The following CCDC14 variants were observed in gnomAD, a reference collection of about 807,000 sequenced individuals.
CCDC14 encodes coiled-coil domain containing 14.
A neutral mutation model predicts 81.4 loss-of-function variants in CCDC14; 71 were observed. The observed-to-expected ratio is 0.87, with a 90% confidence interval of 0.72 to 1.06. The LOEUF is 1.06. Among genes scored for constraint, CCDC14 ranks in the 50% least tolerant of loss-of-function variants. CCDC14 has a pLI of 0.00. For missense variants in CCDC14, 1,046 were observed against 1,047.3 expected, an observed-to-expected ratio of 1.00 and a Z score of 0.02; for synonymous variants, 332 against 364.8, an observed-to-expected ratio of 0.91 and a Z score of 1.03.
intron 12 of CCDC14, among the ~76,000 whole-genome samples, chr3:123,926,463 A>C (rs1025606490): frequency 6.6e-6 from 1 of 150,732 alleles, no homozygotes; most frequent in Admixed American, 6.6e-5. Flanking sequence ...TATTAATTTA[A>C]ATAACTATGA....
chr3:123,887,958 C>G, the CCDC14 span, among the ~76,000 whole-genome samples: 2 of 151,834 alleles, frequency 1.3e-5, no homozygotes, highest in Non-Finnish European at 2.9e-5. Flanking sequence ...AAATTTCCCT[C>G]CTTTTTACCT....
chr3:123,912,902 G>A (rs2034479215), downstream of CCDC14, among the ~76,000 whole-genome samples: 1 of 151,942 alleles, frequency 6.6e-6, no homozygotes, highest in Non-Finnish European at 1.5e-5. Flanking sequence ...AGTCAGGTTG[G>A]TCTACCACGG....
chr3:123,909,977 A>G (rs542445360), downstream of CCDC14, among the ~76,000 whole-genome samples: 5 of 152,320 alleles, frequency 3.3e-5, no homozygotes, highest in South Asian at 8.3e-4. Flanking sequence ...GATAATTTTC[A>G]TATTTCATTA....
intron 10 of CCDC14, among the ~76,000 whole-genome samples, chr3:123,932,154 A>C (rs17375433): frequency 0.088 from 13,332 of 152,266 alleles, 711 homozygotes; most frequent in Middle Eastern, 0.21. Context: ...GAGATGAACA[A>C]CACAGACGTG....
chr3:123,926,960 A>G (rs1264320561), intron 12 of CCDC14, among the ~76,000 whole-genome samples: 2 of 152,240 alleles, frequency 1.3e-5, no homozygotes, highest in African/African-American at 4.8e-5. Flanking sequence ...TCTAACGTCC[A>G]AAGTAAAATT....
rs190649092 is a variant in CCDC14, at chr3:123,948,611, T to C, written c.684+80A>G. On this transcript the variant is annotated intron_variant, in intron 7 of 12. Transcript: ENST00000409697. Reference sequence around the variant, plus strand: ...CTTTAAATCCTAGTGCATTAAGTTATAAGCAATAAATTCAACAGTCCCTCC... The same window carrying C: ...CTTTAAATCCTAGTGCATTAAGTTACAAGCAATAAATTCAACAGTCCCTCC... 1.9e-4 allele frequency: 194 copies of C among 1,043,272 alleles called. 1 individual carries two copies. Among genetic ancestry groups the C allele is most frequent in the Non-Finnish European group, 2.5e-4 (177 of 715,330 alleles). 64.6% of individuals were successfully genotyped at this position (1,043,272 alleles called of 1,614,324 possible).
At chr3:123,918,362 G>C (rs2034831498) in intron 12 of CCDC14, among the ~76,000 whole-genome samples, 1 of 152,096 alleles carries the variant, frequency 6.6e-6, no homozygotes, top group Non-Finnish European at 1.5e-5. Flanking sequence ...AGGTTATGAG[G>C]AGAGTGACAT....
In CCDC14 at chr3:123,952,351, T is replaced by C. The variant is rs533037725; in HGVS notation, c.353-3219A>G. ...CGTAAGAACACCTGGCCTTTATGAG[T>C]GGCAATCAATGCTCAAAGGATTTTT... is the stretch of plus-strand genomic sequence containing the variant. On this transcript the variant is annotated intron_variant, in intron 5 of 12. Transcript: ENST00000409697. 1.3e-4 allele frequency among the ~76,000 whole-genome samples: 20 copies of C among 152,228 alleles called. No homozygotes were observed. The South Asian group carries it at 4.1e-3, about 32-fold the overall frequency.
the CCDC14 span, among the ~76,000 whole-genome samples, chr3:123,891,674 C>T: frequency 6.6e-6 from 1 of 152,174 alleles, no homozygotes; most frequent in Non-Finnish European, 1.5e-5. Flanking sequence ...TTGTCAAAGC[C>T]ATTCAACAAG....
At chr3:123,897,703 T>C (rs1210141473) in intron 5 of CCDC14, 1 of 598,852 alleles carries the variant, frequency 1.7e-6, no homozygotes. Flanking sequence ...TTCCTTCATA[T>C]TCTACTTTTA....
intron 12 of CCDC14, among the ~76,000 whole-genome samples, chr3:123,917,875 TG>T (rs2034805699): frequency 1.3e-5 from 2 of 150,150 alleles, no homozygotes; most frequent in Non-Finnish European, 2.9e-5. Context: ...ACACAGAGGT[TG>T]TACCCAAAGA....
intron 12 of CCDC14, among the ~76,000 whole-genome samples, chr3:123,929,207 GACTC>G (rs953022619): frequency 3.3e-5 from 5 of 152,072 alleles, no homozygotes; most frequent in African/African-American, 9.7e-5. Context: ...TGACCATGCT[GACTC>G]ACTATTTTTT....
In CCDC14 at chr3:123,914,108, CTTCT is replaced by C. The variant is rs947399507; in HGVS notation, c.*667_*670del. The stretch of plus-strand genomic sequence containing the variant: ...CCCAACTATAGCTTATCTGTTAGCA[CTTCT>C]TTATCAGTCTGACTATTCTTTAAAG... On this transcript the variant is annotated 3_prime_UTR_variant, in exon 13 of 13. Coordinates refer to ENST00000409697, the MANE Select transcript of CCDC14 (RefSeq NM_001366335.1). 10 of 985,544 alleles carry C rather than the reference CTTCT, an allele frequency of 1.0e-5. No homozygotes were observed. The highest frequency in any genetic ancestry group is 1.7e-5 in the African/African-American group (1 of 57,204). 61.0% of individuals were successfully genotyped at this position (985,544 alleles called of 1,614,324 possible).
intron 9 of CCDC14, among the ~76,000 whole-genome samples, chr3:123,934,288 A>AAAC (rs2035934305): frequency 6.6e-6 from 1 of 150,644 alleles, no homozygotes; most frequent in African/African-American, 2.4e-5. Flanking sequence ...AAAAAAAAAA[A>AAAC]AAAAAAACCC....
chr3:123,961,026 T>C (rs972057205), intron 1 of CCDC14, 118 bp downstream of exon 1: 3 of 909,770 alleles, frequency 3.3e-6, no homozygotes, highest in Non-Finnish European at 4.9e-6. Flanking sequence ...TCCCAGCACT[T>C]TAATGTCGCC....
intron 12 of CCDC14, among the ~76,000 whole-genome samples, chr3:123,918,656 C>T (rs1220958038): frequency 6.6e-6 from 1 of 152,208 alleles, no homozygotes; most frequent in Non-Finnish European, 1.5e-5. Flanking sequence ...AAAAAGAAAG[C>T]TGGAGGTGAA....
Position 123,956,771 on chromosome 3 carries a change from C to T in CCDC14, c.55G>A (p.Gly19Arg), listed in dbSNP as rs778943676. The T allele has an allele frequency of 1.4e-5, 21 of 1,545,928 alleles. No homozygotes were observed. The highest frequency in any genetic ancestry group is 1.8e-5 in the Non-Finnish European group (21 of 1,142,692). Reference sequence around the variant, plus strand: ...TTTCCATTTGTTAATTTAGCAGGTCCAGTGTGCCTTCCTGAAGATAACACC... The same window carrying T: ...TTTCCATTTGTTAATTTAGCAGGTCTAGTGTGCCTTCCTGAAGATAACACC... The part of the protein sequence containing the change: ...GQVLSSGRHT[G>R]PAKLTNGKKA... The change falls in exon 2 of 13, where the codon GGA becomes AGA. Residue 19 changes from glycine (G) to arginine (R), a missense_variant. Coordinates refer to ENST00000409697, the MANE Select transcript of CCDC14 (RefSeq NM_001366335.1).
chr3:123,938,527 TA>T (rs1432347142), intron 9 of CCDC14, among the ~76,000 whole-genome samples: 2 of 151,946 alleles, frequency 1.3e-5, no homozygotes, highest in African/African-American at 2.4e-5. Flanking sequence ...CTACAAGAGT[TA>T]TCATGTCATC....
intron 9 of CCDC14, 137 bp downstream of exon 9, chr3:123,944,712 T>G: frequency 5.4e-6 from 3 of 559,464 alleles, no homozygotes; most frequent in South Asian, 4.6e-5. Flanking sequence ...CTCTGAAAAA[T>G]GAGGAAGAAA....
Sources: gnomAD v4.1 joint callset for allele counts (sites outside exome capture counted in the v4.1 genomes callset) on GRCh38, gnomAD v4.1.1 for gene constraint, MANE v1.5 for transcripts, NCBI Gene and HGNC (gene_info 2026-07-23, HGNC 2026-07-21) for gene names.